TSPAN5: variants seen among roughly 807,000 people sequenced by gnomAD.
TSPAN5 encodes the protein tetraspanin-5.
TSPAN5 carries 10 observed loss-of-function variants against 37.1 expected under a neutral mutation model. The observed-to-expected ratio is 0.27, with a 90% CI of 0.17 to 0.46. TSPAN5 has a LOEUF of 0.46. TSPAN5 is among the 20% of genes least tolerant of loss of function. TSPAN5 has a pLI of 1.00. For synonymous variants in TSPAN5, 110 were observed against 118.9 expected, an observed-to-expected ratio of 0.93 and a Z score of 0.48; for missense variants, 195 against 326.6, an observed-to-expected ratio of 0.60 and a Z score of 3.11.
chr4:98,521,657 T>C (rs565886186), intron 1 of TSPAN5, among the ~76,000 whole-genome samples: 1 of 152,304 alleles, frequency 6.6e-6, no homozygotes, highest in African/African-American at 2.4e-5. Context: ...ACAGAAGAGT[T>C]TGGTGTCTTA....
At chr4:98,540,412 A>G (rs1444659094) in intron 1 of TSPAN5, among the ~76,000 whole-genome samples, 1 of 151,716 alleles carries the variant, frequency 6.6e-6, no homozygotes, top group African/African-American at 2.4e-5. Flanking sequence ...ATCTCGGCTC[A>G]CTGCAACCTC....
At chr4:98,483,904 A>G (rs1752902834) in intron 3 of TSPAN5, 1 of 154,824 alleles carries the variant, frequency 6.5e-6, no homozygotes, top group Admixed American at 6.3e-5. Context: ...CCTACAGTGT[A>G]AATAACGCCC....
chr4:98,560,661 C>A (rs1205096699), intron 1 of TSPAN5, among the ~76,000 whole-genome samples: 2 of 152,210 alleles, frequency 1.3e-5, no homozygotes, highest in African/African-American at 4.8e-5. Flanking sequence ...CTTCTAGATT[C>A]TGTAGATAGA....
At chr4:98,543,565 G>A (rs867512365) in intron 1 of TSPAN5, among the ~76,000 whole-genome samples, 8 of 151,556 alleles carry the variant, frequency 5.3e-5, no homozygotes, top group Middle Eastern at 6.9e-3. Context: ...ACAGGCTCCC[G>A]ACACCACGCC....
chr4:98,573,715 A>G (rs1755174177), intron 1 of TSPAN5, among the ~76,000 whole-genome samples: 1 of 152,232 alleles, frequency 6.6e-6, no homozygotes, highest in Non-Finnish European at 1.5e-5. Flanking sequence ...CCAAGGACTA[A>G]ACAATCTTAA....
intron 2 of TSPAN5, among the ~76,000 whole-genome samples, chr4:98,489,320 C>G (rs1199205751): frequency 6.6e-6 from 1 of 152,176 alleles, no homozygotes; most frequent in Non-Finnish European, 1.5e-5. Context: ...CCCAACCAAT[C>G]AGGTAGTAAA....
At chr4:98,610,830 G>A (rs935347499) in intron 1 of TSPAN5, among the ~76,000 whole-genome samples, 1 of 152,012 alleles carries the variant, frequency 6.6e-6, no homozygotes, top group African/African-American at 2.4e-5. Context: ...TCAGTGCCCC[G>A]GCATCCTCCC....
chr4:98,516,845 T>C (rs1040369359), intron 1 of TSPAN5, among the ~76,000 whole-genome samples: 1 of 152,134 alleles, frequency 6.6e-6, no homozygotes, highest in Non-Finnish European at 1.5e-5. Context: ...AGATTCCTTC[T>C]CCTGTTTGAT....
chr4:98,565,036 G>A lies in TSPAN5; in HGVS notation c.82-57308C>T, dbSNP rs1048736209. ...AGGCCCTGGAAGTGCTACAACAGCT[G>A]AATGGGTTTTCATGGGACATAAATC... On this transcript the variant is annotated intron_variant, in intron 1 of 7. Coordinates refer to ENST00000305798, the MANE Select transcript of TSPAN5 (RefSeq NM_005723.4). 6.6e-5 allele frequency among the ~76,000 whole-genome samples: 10 copies of A among 152,182 alleles called. No individual in the cohort carries two copies. The East Asian group carries it at 1.2e-3, about 18-fold the overall frequency.
At chr4:98,485,719 A>G (rs1014309960) in intron 3 of TSPAN5, among the ~76,000 whole-genome samples, 2 of 148,366 alleles carry the variant, frequency 1.3e-5, no homozygotes, top group Admixed American at 6.8e-5. Flanking sequence ...GCTGGGGAAG[A>G]GAATCACACA....
intron 1 of TSPAN5, among the ~76,000 whole-genome samples, chr4:98,643,582 G>T (rs186302617): frequency 2.2e-4 from 34 of 152,138 alleles, no homozygotes; most frequent in African/African-American, 8.2e-4. Flanking sequence ...TAGTGACTCT[G>T]TATCTTTAAA....
intron 1 of TSPAN5, among the ~76,000 whole-genome samples, chr4:98,560,579 T>C (rs1332897211): frequency 2.0e-5 from 3 of 152,210 alleles, no homozygotes; most frequent in African/African-American, 7.2e-5. Context: ...TCAGCAAATA[T>C]TCACTGAAAT....
chr4:98,650,662 C>T (rs1336241316), intron 1 of TSPAN5, among the ~76,000 whole-genome samples: 2 of 152,174 alleles, frequency 1.3e-5, no homozygotes, highest in Admixed American at 1.3e-4. Context: ...TGTATATACA[C>T]AGAGTAGCAA....
At chr4:98,528,646 C>T (rs1039451632) in intron 1 of TSPAN5, among the ~76,000 whole-genome samples, 2 of 152,144 alleles carry the variant, frequency 1.3e-5, no homozygotes, top group African/African-American at 4.8e-5. Flanking sequence ...AATAACTCTA[C>T]AAAGCTCTCT....
chr4:98,585,076 A>G, intron 1 of TSPAN5, among the ~76,000 whole-genome samples: 1 of 152,196 alleles, frequency 6.6e-6, no homozygotes, highest in East Asian at 1.9e-4. Flanking sequence ...GTCAGGACTA[A>G]TGTTGAAAGA....
At chr4:98,608,251 T>G (rs879852823) in intron 1 of TSPAN5, among the ~76,000 whole-genome samples, 1 of 152,182 alleles carries the variant, frequency 6.6e-6, no homozygotes. Context: ...TCACTTCCTT[T>G]TTTTAGTCAC....
At chr4:98,613,769 G>C (rs1209989532) in intron 1 of TSPAN5, among the ~76,000 whole-genome samples, 1 of 151,994 alleles carries the variant, frequency 6.6e-6, no homozygotes, top group African/African-American at 2.4e-5. Context: ...ATTACAGGTT[G>C]ATATTGAGGG....
chr4:98,557,395 A>G (rs1245289531), intron 1 of TSPAN5, among the ~76,000 whole-genome samples: 1 of 152,218 alleles, frequency 6.6e-6, no homozygotes, highest in African/African-American at 2.4e-5. Context: ...CAAATTCTAC[A>G]GTCTCTGAAC....
chr4:98,540,835 T>A (rs1470207058), intron 1 of TSPAN5, among the ~76,000 whole-genome samples: 1 of 152,230 alleles, frequency 6.6e-6, no homozygotes, highest in African/African-American at 2.4e-5. Flanking sequence ...AATAGGCTGA[T>A]CAATCGCTTC....
Sources: gnomAD v4.1 joint callset for allele counts (sites outside exome capture counted in the v4.1 genomes callset) on GRCh38, gnomAD v4.1.1 for gene constraint, MANE v1.5 for transcripts, NCBI Gene and HGNC (gene_info 2026-07-23, HGNC 2026-07-21) for gene names.